Variants in THADA observed in about 807,000 individuals in gnomAD.
THADA encodes the protein tRNA (32-2'-O)-methyltransferase regulator THADA.
A neutral mutation model predicts 219.8 loss-of-function variants in THADA; 213 were observed. The ratio of observed to expected loss-of-function variants is 0.97; its 90% CI spans 0.87 to 1.09. The LOEUF (loss-of-function observed/expected upper bound fraction) is 1.09. THADA is among the 50% of genes least tolerant of loss of function. The pLI is 0.00. For synonymous variants in THADA, 1,018 were observed against 828.9 expected, an observed-to-expected ratio of 1.23 and a Z score of -3.92; for missense variants, 2,956 against 2,311.3, an observed-to-expected ratio of 1.28 and a Z score of -5.72.
chr2:43,504,497 A>G (rs974318646), intron 24 of THADA, among the ~76,000 whole-genome samples: 22 of 152,212 alleles, frequency 1.4e-4, no homozygotes, highest in Non-Finnish European at 2.6e-4. Flanking sequence ...TTCTGAAATA[A>G]AATCATATGT....
In THADA at chr2:43,359,786, A is replaced by ATT. The variant is rs531629007; in HGVS notation, c.4228-15551_4228-15550dup. On this transcript the variant is annotated intron_variant, in intron 29 of 37. Coordinates refer to ENST00000405975, the MANE Select transcript of THADA (RefSeq NM_022065.5). ...TCATCATGGATAAGCTGTTAACTGG[A>ATT]TTTTTTTTTTTTTCTTTTTAAGAGA... Among the ~76,000 whole-genome samples the ATT allele has an allele frequency of 7.5e-4, 109 of 145,506 alleles. 1 individual carries two copies. Among genetic ancestry groups the ATT allele is most frequent in the African/African-American group, 2.3e-3 (93 of 39,678 alleles).
intron 22 of THADA, among the ~76,000 whole-genome samples, chr2:43,513,785 T>A (rs1016003814): frequency 6.6e-6 from 1 of 152,082 alleles, no homozygotes. Context: ...CCTAAAAAAA[T>A]CAGTAATAAC....
At chr2:43,486,701 C>A (rs769444758) in intron 25 of THADA, 3 of 152,194 alleles carry the variant, frequency 2.0e-5, no homozygotes, top group Non-Finnish European at 4.4e-5. Context: ...TGGACTTGGT[C>A]TAATGCAGTC....
chr2:43,564,510 G>T (rs918415806), intron 15 of THADA: 3 of 152,200 alleles, frequency 2.0e-5, no homozygotes, highest in African/African-American at 7.2e-5. Context: ...AAGGATACTT[G>T]TGATGACATT....
intron 8 of THADA, among the ~76,000 whole-genome samples, chr2:43,580,283 C>T (rs1700296000): frequency 6.6e-6 from 1 of 152,004 alleles, no homozygotes; most frequent in Admixed American, 6.5e-5. Flanking sequence ...TCGTGATCTG[C>T]CCGCCTTGGC....
At chr2:43,371,146 T>G (rs1670755559) in intron 29 of THADA, among the ~76,000 whole-genome samples, 2 of 152,240 alleles carry the variant, frequency 1.3e-5, no homozygotes, top group Non-Finnish European at 2.9e-5. Flanking sequence ...TTATATTTAT[T>G]CTATTTTTAA....
intron 8 of THADA, 79 bp from the exon 9 acceptor site, chr2:43,578,686 C>A: frequency 3.1e-6 from 3 of 968,570 alleles, no homozygotes. Context: ...TGCTGAGCAG[C>A]CAGATAGGCC....
chr2:43,279,904 G>C lies in THADA; in HGVS notation c.5165-8C>G. The C allele has an allele frequency of 1.3e-6, 2 of 1,506,670 alleles. No homozygotes were observed. Among genetic ancestry groups the C allele is most frequent in the South Asian group, 1.4e-5 (1 of 72,544 alleles). 93.3% of individuals were successfully genotyped at this position (1,506,670 alleles called of 1,614,324 possible). ...CAAGTGTATCCTGCAACTCTAAGAAGACCAAAAGGAATCTGAATTACCTAG... is the reference window on the plus strand; with the variant it reads ...CAAGTGTATCCTGCAACTCTAAGAACACCAAAAGGAATCTGAATTACCTAG... On this transcript the variant is annotated splice_polypyrimidine_tract_variant and splice_region_variant and intron_variant, in intron 35 of 37. Coordinates refer to ENST00000405975, the MANE Select transcript of THADA (RefSeq NM_022065.5).
rs60448094 is a variant in THADA, at chr2:43,501,307, C to CAAAAAAAAAAA, written c.3622-2363_3622-2353dup. Among the ~76,000 whole-genome samples the CAAAAAAAAAAA allele has an allele frequency of 2.7e-3, 41 of 15,048 alleles. 4 individuals carry two copies. Among genetic ancestry groups the CAAAAAAAAAAA allele is most frequent in the African/African-American group, 2.8e-3 (15 of 5,318 alleles). The allele number at this position is 15,048 out of a possible 152,430, so 9.9% of individuals were successfully genotyped here. On this transcript the variant is annotated intron_variant, in intron 24 of 37. Transcript: ENST00000405975. Reference sequence around the variant, plus strand: ...GGCAACAAAAGCGAAACTCCAACTCCAAAAAAAAAAAAAAAAAAAAAAAAA... The same window carrying CAAAAAAAAAAA: ...GGCAACAAAAGCGAAACTCCAACTCCAAAAAAAAAAAAAAAAAAAAAAAAAAAAAAAAAAAA...
intron 29 of THADA, among the ~76,000 whole-genome samples, chr2:43,374,559 A>G (rs565771740): frequency 6.1e-4 from 93 of 152,368 alleles, no homozygotes; most frequent in Middle Eastern, 3.4e-3. Context: ...ATCAAAAGAT[A>G]TAACCAATAA....
chr2:43,259,964 GCT>G (rs1670753222), intron 36 of THADA, among the ~76,000 whole-genome samples: 1 of 152,126 alleles, frequency 6.6e-6, no homozygotes, highest in African/African-American at 2.4e-5. Flanking sequence ...TTCCTTCACA[GCT>G]CTCACCCCAG....
intron 4 of THADA, among the ~76,000 whole-genome samples, chr2:43,588,704 T>C (rs979231797): frequency 2.0e-5 from 3 of 152,096 alleles, no homozygotes; most frequent in South Asian, 4.1e-4. Context: ...GTTGGAAATA[T>C]ATGAAGAAGA....
At chr2:43,591,095 C>T in intron 3 of THADA, 141 bp from the exon 4 acceptor site, 2 of 715,038 alleles carry the variant, frequency 2.8e-6, no homozygotes, top group Non-Finnish European at 4.4e-6. Context: ...CTGAGGTGGG[C>T]AGATCGCTTG....
chr2:43,377,575 C>T (rs1416374568), intron 29 of THADA, among the ~76,000 whole-genome samples: 1 of 152,156 alleles, frequency 6.6e-6, no homozygotes, highest in African/African-American at 2.4e-5. Context: ...AACTGTTCTA[C>T]TCACTAGAAA....
rs147905402 is a variant in THADA at position 43,587,984 on chromosome 2, G to A, written c.303-982C>T. Among the ~76,000 whole-genome samples, 607 of 152,096 alleles carry A rather than the reference G, an allele frequency of 4.0e-3. 7 individuals are homozygous for A. Among genetic ancestry groups the A allele is most frequent in the African/African-American group, 0.014 (567 of 41,492 alleles). On this transcript the variant is annotated intron_variant, in intron 4 of 37. Coordinates refer to ENST00000405975, the MANE Select transcript of THADA (RefSeq NM_022065.5). Reference sequence around the variant, plus strand: ...TCTGGAAGAAAATAATTCAAAAATGGGAATATTCAGAATAAGAAGAGTCAC... The same window carrying A: ...TCTGGAAGAAAATAATTCAAAAATGAGAATATTCAGAATAAGAAGAGTCAC...
chr2:43,504,958 G>A (rs1689477117), intron 24 of THADA, among the ~76,000 whole-genome samples: 1 of 152,184 alleles, frequency 6.6e-6, no homozygotes, highest in Non-Finnish European at 1.5e-5. Flanking sequence ...TAACGTACAA[G>A]CAGTACTTGA....
intron 15 of THADA, among the ~76,000 whole-genome samples, chr2:43,561,397 C>T (rs2103943810): frequency 6.6e-6 from 1 of 152,198 alleles, no homozygotes; most frequent in Middle Eastern, 3.4e-3. Context: ...TTTCAGCCAA[C>T]CAAGGGATGA....
chr2:43,286,806 G>C (rs928238432), intron 35 of THADA, 102 bp downstream of exon 35: 1 of 1,306,184 alleles, frequency 7.7e-7, no homozygotes, highest in Non-Finnish European at 1.1e-6. Context: ...ATAAAGGCAG[G>C]TGTCATGTTG....
At chr2:43,416,049 G>C (rs1351877949) in intron 28 of THADA, among the ~76,000 whole-genome samples, 3 of 152,046 alleles carry the variant, frequency 2.0e-5, no homozygotes, top group Non-Finnish European at 4.4e-5. Flanking sequence ...TATTTCTTAA[G>C]TTTCTCTTCA....
Sources: gnomAD v4.1 joint callset for allele counts (sites outside exome capture counted in the v4.1 genomes callset) on GRCh38, gnomAD v4.1.1 for gene constraint, MANE v1.5 for transcripts, NCBI Gene and HGNC (gene_info 2026-07-23, HGNC 2026-07-21) for gene names.